Variants in EIF4E observed in about 807,000 individuals in gnomAD.
EIF4E encodes the protein eukaryotic translation initiation factor 4E.
For missense variants in EIF4E, 113 were observed against 265.6 expected, an observed-to-expected ratio of 0.43 and a Z score of 3.99; for synonymous variants, 71 against 88.5, an observed-to-expected ratio of 0.80 and a Z score of 1.11.
chr4:98,881,194 A>T lies in EIF4E; in HGVS notation c.540-52T>A, dbSNP rs181201776. The T allele has an allele frequency of 1.9e-3, 3,032 of 1,583,120 alleles. 3 individuals carry two copies. Among genetic ancestry groups the T allele is most frequent in the Non-Finnish European group, 2.3e-3 (2,713 of 1,165,130 alleles). ...AAAAAGTAGTCATTAACTTTTACTC[A>T]CAAGAAATACATTTAAAAATTTAGG... On this transcript the variant is annotated intron_variant, in intron 6 of 6. Transcript: ENST00000450253.
At chr4:98,916,898 C>T (rs1006338642) in intron 1 of EIF4E, among the ~76,000 whole-genome samples, 1 of 151,942 alleles carries the variant, frequency 6.6e-6, no homozygotes, top group African/African-American at 2.4e-5. Flanking sequence ...AAGGGTGGAA[C>T]ACAAAAGTCA....
intron 1 of EIF4E, among the ~76,000 whole-genome samples, chr4:98,906,861 C>G (rs990930202): frequency 2.0e-5 from 3 of 152,180 alleles, no homozygotes; most frequent in Non-Finnish European, 4.4e-5. Flanking sequence ...AAATTCAGAG[C>G]AAGTAACTTC....
intron 1 of EIF4E, among the ~76,000 whole-genome samples, chr4:98,927,654 C>CAAAAAAAAAAAAAAAAA (rs774720176): frequency 2.9e-5 from 1 of 35,050 alleles, no homozygotes; most frequent in African/African-American, 9.9e-5. Context: ...GACTCCATCT[C>CAAAAAAAAAAAAAAAAA]AAAAAAAAAA....
At chr4:98,927,970 G>A (rs925390050) in intron 1 of EIF4E, among the ~76,000 whole-genome samples, 1 of 152,080 alleles carries the variant, frequency 6.6e-6, no homozygotes, top group African/African-American at 2.4e-5. Context: ...CCTACCCTGG[G>A]ACCAGCTTGC....
intron 1 of EIF4E, chr4:98,909,823 A>C: frequency 1.4e-6 from 1 of 699,540 alleles, no homozygotes; most frequent in Non-Finnish European, 2.6e-6. Flanking sequence ...AGGAGTCTTA[A>C]TTTGTCTCAG....
At position 98,892,340 on chromosome 4, in the gene EIF4E, CA is replaced by C. The variant is rs1164170926; in HGVS notation, c.126-1009del. ...CCATCTCAAAAAACAAAAAAACAAA[CA>C]AAAAAAAAAAACAAAAAAAACACAG... is the stretch of plus-strand genomic sequence containing the variant. On this transcript the variant is annotated intron_variant, in intron 2 of 6. Transcript: ENST00000450253. Among the ~76,000 whole-genome samples the C allele has an allele frequency of 3.9e-4, 49 of 126,316 alleles. 2 individuals carry two copies. Among genetic ancestry groups the C allele is most frequent in the South Asian group, 1.5e-3 (6 of 3,912 alleles). 82.9% of individuals were successfully genotyped at this position (126,316 alleles called of 152,430 possible). A position where few individuals can be genotyped will look rare whatever the true frequency, so the allele number is the denominator to read the frequency against.
At chr4:98,918,964 C>T (rs1725526220) in intron 1 of EIF4E, among the ~76,000 whole-genome samples, 1 of 152,118 alleles carries the variant, frequency 6.6e-6, no homozygotes, top group Non-Finnish European at 1.5e-5. Context: ...TTGCATAAAA[C>T]TTGAGTTTTG....
intron 1 of EIF4E, chr4:98,926,072 G>T (rs1725852132): frequency 6.6e-6 from 1 of 151,416 alleles, no homozygotes; most frequent in African/African-American, 2.4e-5. Context: ...AGGCTGAGAT[G>T]GAAGCATCTC....
chr4:98,913,939 A>C (rs1303485239), intron 1 of EIF4E, among the ~76,000 whole-genome samples: 3 of 152,118 alleles, frequency 2.0e-5, no homozygotes, highest in Non-Finnish European at 4.4e-5. Context: ...ATATAACCAA[A>C]AGGTAACAGA....
intron 1 of EIF4E, among the ~76,000 whole-genome samples, chr4:98,917,020 G>C (rs1229256526): frequency 6.6e-6 from 1 of 151,100 alleles, no homozygotes; most frequent in Non-Finnish European, 1.5e-5. Context: ...AATGTGACTG[G>C]AGCAATGTGA....
intron 1 of EIF4E, among the ~76,000 whole-genome samples, chr4:98,906,031 C>G (rs1724856249): frequency 6.6e-6 from 1 of 152,144 alleles, no homozygotes; most frequent in Non-Finnish European, 1.5e-5. Flanking sequence ...GCTTAAATTC[C>G]AAAACCATGA....
intron 1 of EIF4E, among the ~76,000 whole-genome samples, chr4:98,914,684 G>C (rs900190410): frequency 6.6e-6 from 1 of 151,978 alleles, no homozygotes; most frequent in Non-Finnish European, 1.5e-5. Context: ...TATTCTGCAC[G>C]ATATTATAAC....
At chr4:98,892,217 A>G (rs1724170513) in intron 2 of EIF4E, among the ~76,000 whole-genome samples, 1 of 150,666 alleles carries the variant, frequency 6.6e-6, no homozygotes, top group Non-Finnish European at 1.5e-5. Context: ...ATGGTGGTGC[A>G]TGCCTGTATT....
Position 98,891,399 on chromosome 4 carries a change from C to T in EIF4E, c.126-67G>A, listed in dbSNP as rs781396939. On this transcript the variant is annotated intron_variant, in intron 2 of 6. Coordinates refer to ENST00000450253, the MANE Select transcript of EIF4E (RefSeq NM_001968.5). ...CCCATGTTAAAAGCAACATTATTCA[C>T]AAAAGTCAAAAGGTAGAAGCAACCC... 13 of 1,430,022 alleles carry T rather than the reference C, an allele frequency of 9.1e-6. No homozygotes were observed. In the Admixed American group the frequency reaches 9.7e-5, roughly 11 times the overall value. 88.6% of individuals were successfully genotyped at this position (1,430,022 alleles called of 1,614,324 possible).
intron 1 of EIF4E, among the ~76,000 whole-genome samples, chr4:98,917,419 T>A (rs186984914): frequency 6.6e-6 from 1 of 152,164 alleles, no homozygotes; most frequent in Admixed American, 6.5e-5. Context: ...TCCATGATCA[T>A]GCCCACTGGT....
Position 98,887,286 on chromosome 4 carries a change from TTC to T in EIF4E, c.286-96_286-95del, listed in dbSNP as rs1350866871. 3.5e-5 allele frequency: 45 copies of T among 1,296,318 alleles called. No homozygotes were observed. The Admixed American group carries it at 6.6e-4, about 19-fold the overall frequency. 80.3% of individuals were successfully genotyped at this position (1,296,318 alleles called of 1,614,324 possible). ...ACAGTTAAGCAACAACACTGTCAAC[TTC>T]TTACTTTATTGCCCATAAAACTGCC... On this transcript the variant is annotated intron_variant, in intron 4 of 6. Transcript: ENST00000450253. The surrounding 1 kb of genome is among the most constrained non-coding windows in gnomAD (Gnocchi z 4.0).
intron 1 of EIF4E, chr4:98,926,014 A>G (rs1725848994): frequency 6.6e-6 from 1 of 152,036 alleles, no homozygotes; most frequent in Admixed American, 6.6e-5. Context: ...AAAAGTTTAA[A>G]AATTATCCGG....
intron 1 of EIF4E, 113 bp from the exon 2 acceptor site, chr4:98,902,095 G>GAGAGAC: frequency 4.4e-6 from 4 of 900,588 alleles, no homozygotes; most frequent in Non-Finnish European, 5.2e-6. Flanking sequence ...TTGAGACAGA[G>GAGAGAC]TCTCTCTCTG....
chr4:98,915,542 T>C (rs1420803730), intron 1 of EIF4E, among the ~76,000 whole-genome samples: 1 of 151,464 alleles, frequency 6.6e-6, no homozygotes, highest in East Asian at 1.9e-4. Flanking sequence ...TTTTTGTAAA[T>C]TACTTTTTTT....
Sources: gnomAD v4.1 joint callset for allele counts (sites outside exome capture counted in the v4.1 genomes callset) on GRCh38, gnomAD v4.1.1 for gene constraint, Gnocchi (gnomAD v3.1) non-coding constraint, MANE v1.5 for transcripts, NCBI Gene and HGNC (gene_info 2026-07-23, HGNC 2026-07-21) for gene names.